The following TP53BP1 variants were observed in gnomAD, a reference collection of about 807,000 sequenced individuals.
The protein encoded by TP53BP1 is tumor protein p53 binding protein 1.
TP53BP1 carries 61 observed loss-of-function variants against 200.8 expected under a neutral mutation model. The ratio of observed to expected loss-of-function variants is 0.30; its 90% CI spans 0.25 to 0.38. The LOEUF (loss-of-function observed/expected upper bound fraction) is 0.38. TP53BP1 is among the 10% of genes least tolerant of loss of function. The probability of loss-of-function intolerance (pLI) is 1.00; values close to 1 mark genes in which losing one functional copy is unlikely to be tolerated. For synonymous variants in TP53BP1, 822 were observed against 844.3 expected (o/e 0.97, Z 0.46); for missense variants, 2,144 against 2,371.9 (o/e 0.90, Z 2.00).
At chr15:43,508,441 T>C (rs1388869789) in intron 1 of TP53BP1, among the ~76,000 whole-genome samples, 1 of 152,138 alleles carries the variant, frequency 6.6e-6, no homozygotes, top group Non-Finnish European at 1.5e-5. Flanking sequence ...GAGGACTGCT[T>C]GAGGCCAGGA....
intron 26 of TP53BP1, 55 bp downstream of exon 26, chr15:43,408,842 C>T (rs2045016647): frequency 3.6e-5 from 56 of 1,563,684 alleles, no homozygotes; most frequent in Non-Finnish European, 4.8e-5. Flanking sequence ...TCTCTTCCCT[C>T]CAAAGCTTGC....
intron 22 of TP53BP1, 83 bp downstream of exon 22, chr15:43,416,142 C>A (rs1028874506): frequency 7.8e-7 from 1 of 1,282,018 alleles, no homozygotes; most frequent in African/African-American, 1.5e-5. Flanking sequence ...GTTAGGGAAA[C>A]ATTACTGACA....
At chr15:43,474,598 A>AG (rs1230533861) in intron 10 of TP53BP1, 75 bp downstream of exon 10, 1 of 958,280 alleles carries the variant, frequency 1.0e-6, no homozygotes, top group African/African-American at 1.6e-5. Flanking sequence ...ACAAAGAAGT[A>AG]GTACATTTTG....
intron 1 of TP53BP1, among the ~76,000 whole-genome samples, chr15:43,500,330 A>T (rs886393112): frequency 1.3e-5 from 2 of 152,198 alleles, no homozygotes; most frequent in African/African-American, 4.8e-5. Flanking sequence ...AAAAAATTTT[A>T]AAAGCTATGT....
intron 1 of TP53BP1, among the ~76,000 whole-genome samples, chr15:43,503,018 G>A (rs543799049): frequency 7.0e-6 from 1 of 142,872 alleles, no homozygotes; most frequent in East Asian, 2.1e-4. Context: ...CTCCAAAACT[G>A]CTGGGATTAC....
intron 1 of TP53BP1, among the ~76,000 whole-genome samples, chr15:43,510,095 C>G (rs1250707212): frequency 1.4e-5 from 2 of 145,460 alleles, no homozygotes; most frequent in Non-Finnish European, 3.0e-5. Context: ...CTTTCCCAAC[C>G]TCTGGTTTTG....
chr15:43,473,715 T>C (rs576030199), intron 10 of TP53BP1, among the ~76,000 whole-genome samples: 4 of 152,272 alleles, frequency 2.6e-5, no homozygotes, highest in South Asian at 4.1e-4. Flanking sequence ...AACCCTGAGC[T>C]AGATACAGAG....
chr15:43,421,468 C>G (rs1179825560), intron 19 of TP53BP1, among the ~76,000 whole-genome samples: 1 of 152,234 alleles, frequency 6.6e-6, no homozygotes, highest in Admixed American at 6.5e-5. Context: ...CTACTTTAGG[C>G]TCTGGACACC....
intron 11 of TP53BP1, among the ~76,000 whole-genome samples, chr15:43,467,788 CTTT>C (rs11384031): frequency 2.8e-5 from 4 of 143,154 alleles, no homozygotes; most frequent in Admixed American, 7.0e-5. Flanking sequence ...TTCTTAAACT[CTTT>C]TTTTTTTTTT....
In TP53BP1 at chr15:43,413,328, A is replaced by G. The variant is rs144847750; in HGVS notation, c.5096T>C (p.Val1699Ala). The G allele has an allele frequency of 7.4e-6, 12 of 1,613,534 alleles. No homozygotes were observed. The highest frequency in any genetic ancestry group is 1.0e-5 in the Non-Finnish European group (12 of 1,179,738). ...RKSATVKPGA[V>A]GAGEFVSPCE... Reference sequence around the variant, plus strand: ...GGGGCTCACAAACTCTCCTGCCCCTACTGCACCTGGGAAGGACAGGGGCAC... The same window carrying G: ...GGGGCTCACAAACTCTCCTGCCCCTGCTGCACCTGGGAAGGACAGGGGCAC... The change falls in exon 24 of 28, where the codon GTA becomes GCA. Residue 1699 changes from valine (V) to alanine (A), a missense_variant. By Grantham distance (64) the Val-to-Ala change is moderately conservative. Around this residue, in one of 4 missense-constraint regions of TP53BP1, gnomAD observed 334 missense variants for 453.4 expected, o/e 0.74. Coordinates refer to ENST00000382044, the MANE Select transcript of TP53BP1 (RefSeq NM_001141980.3).
chr15:43,420,883 C>T, intron 20 of TP53BP1, 142 bp downstream of exon 20: 2 of 1,310,774 alleles, frequency 1.5e-6, no homozygotes, highest in Non-Finnish European at 2.1e-6. Context: ...CTCTCTGTGG[C>T]CTCACTCTGA....
In TP53BP1 at chr15:43,475,491, T is replaced by C; in HGVS notation, c.1085+74A>G. On this transcript the variant is annotated intron_variant, in intron 9 of 27. Transcript: ENST00000382044. Reference sequence around the variant, plus strand: ...AGAATTCTAGACTAGCAGATAAGTTTAGCCTCTTTCAGCCTTAGCCTAAGA... The same window carrying C: ...AGAATTCTAGACTAGCAGATAAGTTCAGCCTCTTTCAGCCTTAGCCTAAGA... The C allele has an allele frequency of 4.5e-6, 7 of 1,545,110 alleles. No homozygotes were observed. In the South Asian group the frequency reaches 8.3e-5, roughly 18 times the overall value.
rs1449123806 is a variant in TP53BP1 at position 43,404,933 on chromosome 15, A to C, written c.*2450T>G. The C allele has an allele frequency of 5.7e-6, 3 of 530,320 alleles. No homozygotes were observed. The highest frequency in any genetic ancestry group is 9.9e-6 in the Non-Finnish European group (3 of 301,546). 32.9% of individuals were successfully genotyped at this position (530,320 alleles called of 1,614,324 possible). ...GGAGGCGACCACCCCTTCTAACTCT[A>C]AACTTTAAAAAAAACTGATACCGAG... On this transcript the variant is annotated 3_prime_UTR_variant, in exon 28 of 28. Coordinates refer to ENST00000382044, the MANE Select transcript of TP53BP1 (RefSeq NM_001141980.3).
intron 4 of TP53BP1, among the ~76,000 whole-genome samples, chr15:43,486,149 G>A (rs929134106): frequency 6.6e-6 from 1 of 152,062 alleles, no homozygotes; most frequent in African/African-American, 2.4e-5. Context: ...GGCTGAGGGG[G>A]GTGGATCACC....
chr15:43,505,532 T>A (rs1294514545), intron 1 of TP53BP1, among the ~76,000 whole-genome samples: 1 of 152,170 alleles, frequency 6.6e-6, no homozygotes, highest in African/African-American at 2.4e-5. Context: ...AATAAAAGAA[T>A]GTGGGAAGTG....
At chr15:43,448,662 C>T (rs2046096880) in intron 12 of TP53BP1, among the ~76,000 whole-genome samples, 1 of 151,960 alleles carries the variant, frequency 6.6e-6, no homozygotes, top group Non-Finnish European at 1.5e-5. Context: ...GCCTCAGCCT[C>T]CCAAGTAGCT....
At position 43,405,020 on chromosome 15, in the gene TP53BP1, C is replaced by T. The variant is rs2142905742; in HGVS notation, c.*2363G>A. ...CCCATTCAGAAAATCACTTCATTGT[C>T]CTTTCTCTCTAAAATGTCTGCAAGC... On this transcript the variant is annotated 3_prime_UTR_variant, in exon 28 of 28. Coordinates refer to ENST00000382044, the MANE Select transcript of TP53BP1 (RefSeq NM_001141980.3). 1 of 635,510 alleles carries T rather than the reference C, an allele frequency of 1.6e-6. No individual in the cohort carries two copies. The highest frequency in any genetic ancestry group is 2.8e-5 in the East Asian group (1 of 35,218). 39.4% of individuals were successfully genotyped at this position (635,510 alleles called of 1,614,324 possible).
intron 15 of TP53BP1, among the ~76,000 whole-genome samples, chr15:43,440,183 G>A (rs1803668902): frequency 6.6e-6 from 1 of 152,166 alleles, no homozygotes; most frequent in South Asian, 2.1e-4. Flanking sequence ...CAAGAAGTTT[G>A]CAGTTTCACA....
At chr15:43,500,914 A>C (rs1447216878) in intron 1 of TP53BP1, among the ~76,000 whole-genome samples, 1 of 152,116 alleles carries the variant, frequency 6.6e-6, no homozygotes, top group Non-Finnish European at 1.5e-5. Flanking sequence ...GGTGGCTTAC[A>C]TCCCAGAACT....
Sources: gnomAD v4.1 joint callset for allele counts (sites outside exome capture counted in the v4.1 genomes callset) on GRCh38, gnomAD v4.1.1 for gene constraint, gnomAD v4.1.1 regional missense constraint, MANE v1.5 for transcripts, NCBI Gene and HGNC (gene_info 2026-07-23, HGNC 2026-07-21) for gene names.